CDH13: variants seen among roughly 807,000 people sequenced by gnomAD.
CDH13 encodes the protein cadherin-13.
In CDH13, 24 loss-of-function variants were observed where a neutral mutation model predicts 63.8. The ratio of observed to expected loss-of-function variants is 0.38; its 90% CI spans 0.27 to 0.53. The LOEUF (loss-of-function observed/expected upper bound fraction) is 0.53. Ranked by LOEUF, CDH13 falls within the 20% of genes least tolerant of loss-of-function variation. The probability of loss-of-function intolerance (pLI) is 0.85; values close to 1 mark genes in which losing one functional copy is unlikely to be tolerated. For synonymous variants in CDH13, 503 were observed against 355.3 expected, an observed-to-expected ratio of 1.42 and a Z score of -4.67; for missense variants, 1,049 against 903.1, an observed-to-expected ratio of 1.16 and a Z score of -2.07.
At chr16:83,709,664 A>T (rs1191394060) in intron 10 of CDH13, among the ~76,000 whole-genome samples, 2 of 152,238 alleles carry the variant, frequency 1.3e-5, no homozygotes, top group Non-Finnish European at 2.9e-5. Context: ...AGACCCATTT[A>T]TATTTGTCCA....
chr16:83,705,740 A>G (rs1282937466), intron 10 of CDH13, among the ~76,000 whole-genome samples: 1 of 152,212 alleles, frequency 6.6e-6, no homozygotes, highest in African/African-American at 2.4e-5. Flanking sequence ...ACAACCCTAA[A>G]GCTGACCTTA....
chr16:82,874,232 A>G (rs1019819105), intron 2 of CDH13, among the ~76,000 whole-genome samples: 9 of 152,150 alleles, frequency 5.9e-5, no homozygotes, highest in African/African-American at 2.2e-4. Context: ...TTATAAAAAC[A>G]TGTTTGGTAT....
At chr16:82,651,560 G>C (rs1376271846) in intron 1 of CDH13, among the ~76,000 whole-genome samples, 1 of 152,220 alleles carries the variant, frequency 6.6e-6, no homozygotes, top group African/African-American at 2.4e-5. Context: ...GCCAGGTCCT[G>C]AGAAAAGCAT....
intron 3 of CDH13, among the ~76,000 whole-genome samples, chr16:83,104,710 G>C (rs965959385): frequency 6.6e-6 from 1 of 152,134 alleles, no homozygotes; most frequent in African/African-American, 2.4e-5. Context: ...TCAGTCGTAG[G>C]AGATATTTAA....
chr16:83,067,075 C>G (rs955307046), intron 3 of CDH13, among the ~76,000 whole-genome samples: 5 of 152,176 alleles, frequency 3.3e-5, no homozygotes, highest in African/African-American at 1.2e-4. Context: ...GTCCTTCATT[C>G]TTCAGATGTG....
At chr16:83,402,592 C>T (rs1214995705) in intron 6 of CDH13, among the ~76,000 whole-genome samples, 5 of 152,184 alleles carry the variant, frequency 3.3e-5, no homozygotes, top group South Asian at 2.1e-4. Context: ...TTATGTATGA[C>T]GAACCCAGGT....
chr16:83,547,390 A>G (rs1238562570), intron 7 of CDH13, among the ~76,000 whole-genome samples: 2 of 152,134 alleles, frequency 1.3e-5, no homozygotes, highest in African/African-American at 4.8e-5. Flanking sequence ...TTTGGTGTAC[A>G]GATTATTTTG....
chr16:83,360,910 A>T (rs976450808), intron 6 of CDH13, among the ~76,000 whole-genome samples: 3 of 152,234 alleles, frequency 2.0e-5, no homozygotes, highest in Non-Finnish European at 4.4e-5. Flanking sequence ...TGCTGCAACA[A>T]ACATATGAGT....
intron 6 of CDH13, among the ~76,000 whole-genome samples, chr16:83,419,814 A>T (rs2071662172): frequency 6.6e-6 from 1 of 152,144 alleles, no homozygotes; most frequent in Admixed American, 6.5e-5. Context: ...TTTAGGAGTC[A>T]CCTAAAATTA....
chr16:83,497,840 T>C (rs1292285827), intron 7 of CDH13, among the ~76,000 whole-genome samples: 1 of 152,174 alleles, frequency 6.6e-6, no homozygotes, highest in Non-Finnish European at 1.5e-5. Context: ...TTATCATATG[T>C]CTATATCTGA....
In CDH13 at chr16:83,653,823, G is replaced by T. The variant is rs1251574251; in HGVS notation, c.1102-16967G>T. The stretch of plus-strand genomic sequence containing the variant: ...AGGGACAACACTCATGACAGAAGGG[G>T]CCTCCTATGGTTTGTCCGCTGCTGT... On this transcript the variant is annotated intron_variant, in intron 8 of 13. Coordinates refer to ENST00000567109, the MANE Select transcript of CDH13 (RefSeq NM_001257.5). 3.3e-5 allele frequency among the ~76,000 whole-genome samples: 5 copies of T among 152,132 alleles called. No homozygotes were observed. In the South Asian group the frequency reaches 6.2e-4, roughly 19 times the overall value.
intron 1 of CDH13, among the ~76,000 whole-genome samples, chr16:82,805,605 A>C (rs1199795960): frequency 6.6e-6 from 1 of 152,156 alleles, no homozygotes; most frequent in Non-Finnish European, 1.5e-5. Flanking sequence ...ACAAGCAGGA[A>C]TGTCATTCTG....
rs9932493 is a variant in CDH13 at position 82,913,458 on chromosome 16, G to A, written c.157+54985G>A. On this transcript the variant is annotated intron_variant, in intron 2 of 13. Transcript: ENST00000567109. ...CTGCCCCTCCTCCTTACCCTGGACT[G>A]TAATTAAAGGGAATATGTGGAAATC... Among the ~76,000 whole-genome samples the A allele has an allele frequency of 5.4e-3, 825 of 152,184 alleles. 4 individuals are homozygous for A. The highest frequency in any genetic ancestry group is 0.019 in the African/African-American group (793 of 41,524).
intron 7 of CDH13, among the ~76,000 whole-genome samples, chr16:83,489,975 T>G (rs898352086): frequency 1.3e-5 from 2 of 151,024 alleles, no homozygotes; most frequent in Non-Finnish European, 2.9e-5. Context: ...TCCAGTTCTG[T>G]CACAAACTCC....
At chr16:83,788,691 T>C (rs986798008) in intron 13 of CDH13, among the ~76,000 whole-genome samples, 8 of 152,300 alleles carry the variant, frequency 5.3e-5, no homozygotes, top group African/African-American at 1.7e-4. Flanking sequence ...GTTGGTATCA[T>C]TGATAAAAGA....
intron 3 of CDH13, among the ~76,000 whole-genome samples, chr16:83,078,641 C>T (rs2033021848): frequency 6.6e-6 from 1 of 152,202 alleles, no homozygotes; most frequent in South Asian, 2.1e-4. Flanking sequence ...CTATAAGCCA[C>T]CAAGACTATG....
chr16:83,571,911 A>G (rs1904661274), intron 7 of CDH13, among the ~76,000 whole-genome samples: 3 of 152,254 alleles, frequency 2.0e-5, no homozygotes, highest in African/African-American at 7.2e-5. Context: ...GTCGCTCTGC[A>G]TGGGGACAGA....
intron 6 of CDH13, among the ~76,000 whole-genome samples, chr16:83,417,759 T>C (rs2151465755): frequency 6.6e-6 from 1 of 152,336 alleles, no homozygotes; most frequent in East Asian, 1.9e-4. Flanking sequence ...ATGTATCTCC[T>C]GTTATATAAG....
At chr16:82,921,962 G>T (rs2042169651) in intron 2 of CDH13, among the ~76,000 whole-genome samples, 1 of 151,976 alleles carries the variant, frequency 6.6e-6, no homozygotes, top group African/African-American at 2.4e-5. Context: ...CTGCTATTAA[G>T]ATTTTTAATT....
Sources: allele counts gnomAD v4.1 joint callset (sites outside exome capture counted in the v4.1 genomes callset), GRCh38; gene constraint gnomAD v4.1.1; transcripts MANE v1.5; gene names NCBI Gene and HGNC (gene_info 2026-07-23, HGNC 2026-07-21).